The following PARD3 variants were observed in gnomAD, a reference collection of about 807,000 sequenced individuals.
PARD3 encodes the protein partitioning defective 3 homolog.
In PARD3, 75 loss-of-function variants were observed where a neutral mutation model predicts 155.4. The observed-to-expected ratio is 0.48, with a 90% confidence interval of 0.40 to 0.58. The LOEUF (loss-of-function observed/expected upper bound fraction) is 0.58, where lower values mean the gene tolerates loss of function less well. PARD3 is among the 20% of genes least tolerant of loss of function. The pLI is 0.00. For synonymous variants in PARD3, 576 were observed against 610.5 expected (o/e 0.94, Z 0.83); for missense variants, 1,642 against 1,721.7 (o/e 0.95, Z 0.82).
intron 20 of PARD3, 21 bp from the exon 21 acceptor site, chr10:34,284,266 T>G (rs1318990162): frequency 7.1e-7 from 1 of 1,417,732 alleles, no homozygotes; most frequent in Admixed American, 1.8e-5. Flanking sequence ...CAAAAAATTC[T>G]AACTTGTCAA....
At chr10:34,181,592 AG>A (rs1354193294) in intron 22 of PARD3, among the ~76,000 whole-genome samples, 1 of 152,184 alleles carries the variant, frequency 6.6e-6, no homozygotes, top group Non-Finnish European at 1.5e-5. Flanking sequence ...TGTGTTGAGT[AG>A]ATACATACAC....
At chr10:34,499,632 A>C (rs1471625744) in intron 3 of PARD3, among the ~76,000 whole-genome samples, 1 of 152,194 alleles carries the variant, frequency 6.6e-6, no homozygotes, top group Non-Finnish European at 1.5e-5. Flanking sequence ...TTTTATATTT[A>C]TAACATATGA....
intron 2 of PARD3, among the ~76,000 whole-genome samples, chr10:34,666,796 A>AAATAT (rs1358640964): frequency 4.5e-5 from 3 of 66,962 alleles, no homozygotes; most frequent in African/African-American, 1.8e-4. Flanking sequence ...AAAAAAAAAA[A>AAATAT]ATATATATAT....
chr10:34,505,190 C>T, intron 3 of PARD3, among the ~76,000 whole-genome samples: 1 of 152,234 alleles, frequency 6.6e-6, no homozygotes, highest in East Asian at 1.9e-4. Context: ...GCTTTCTTAA[C>T]ATATTCACAG....
At position 34,269,859 on chromosome 10, in the gene PARD3, G is replaced by C; in HGVS notation, c.3217C>G (p.Arg1073Gly). The change falls in exon 22 of 25, where the codon CGA (arginine) becomes GGA (glycine). Residue 1073 changes from arginine to glycine, a missense_variant. Physicochemically the swap from Arg to Gly is moderately radical, Grantham distance 125 (BLOSUM62 -2). Coordinates refer to ENST00000374788, the MANE Select transcript of PARD3 (RefSeq NM_001184785.2). ...TGAATTTCAGCATAGTCACGCTCTCGAGCTTGTCGTTCCCTAAATTCTCGA... is the reference window on the plus strand; with the variant it reads ...TGAATTTCAGCATAGTCACGCTCTCCAGCTTGTCGTTCCCTAAATTCTCGA... ...KTREFRERQA[R>G]ERDYAEIQDF... 6.2e-7 allele frequency: 1 copy of C among 1,613,720 alleles called. No homozygotes were observed. Among genetic ancestry groups the C allele is most frequent in the African/African-American group, 1.3e-5 (1 of 74,992 alleles).
chr10:34,306,926 C>T (rs1035636801), intron 20 of PARD3, among the ~76,000 whole-genome samples: 3 of 151,982 alleles, frequency 2.0e-5, no homozygotes, highest in African/African-American at 7.2e-5. Flanking sequence ...TCGTTCTGTC[C>T]CCCACACTGG....
intron 18 of PARD3, 59 bp downstream of exon 18, chr10:34,336,140 T>C (rs898120153): frequency 3.2e-5 from 40 of 1,248,394 alleles, no homozygotes; most frequent in Middle Eastern, 1.9e-4. Flanking sequence ...AGCTCTATAA[T>C]TGTGATAAGC....
At chr10:34,790,460 T>C (rs1244565563) in intron 1 of PARD3, among the ~76,000 whole-genome samples, 1 of 151,918 alleles carries the variant, frequency 6.6e-6, no homozygotes, top group East Asian at 1.9e-4. Context: ...GCTCTCCCCC[T>C]GATAAGGCTA....
At chr10:34,424,273 CAG>C (rs1171616645) in intron 5 of PARD3, among the ~76,000 whole-genome samples, 16 of 152,146 alleles carry the variant, frequency 1.1e-4, no homozygotes, top group Admixed American at 1.0e-3. Context: ...TTAGGATGAA[CAG>C]AGATTTTAGT....
intron 2 of PARD3, among the ~76,000 whole-genome samples, chr10:34,527,336 G>A (rs1427167134): frequency 6.6e-6 from 1 of 152,172 alleles, no homozygotes; most frequent in Non-Finnish European, 1.5e-5. Context: ...TCACTTGGGA[G>A]TTCATAATCC....
intron 2 of PARD3, among the ~76,000 whole-genome samples, chr10:34,598,435 T>A (rs978393895): frequency 6.6e-6 from 1 of 152,218 alleles, no homozygotes; most frequent in African/African-American, 2.4e-5. Flanking sequence ...CCTTGACTTA[T>A]ATATCTTAGT....
intron 1 of PARD3, among the ~76,000 whole-genome samples, chr10:34,718,375 T>C (rs918100895): frequency 4.0e-5 from 6 of 151,648 alleles, no homozygotes; most frequent in African/African-American, 1.5e-4. Context: ...ACATGCACAG[T>C]GAGGCTGGGC....
intron 1 of PARD3, among the ~76,000 whole-genome samples, chr10:34,758,880 G>C (rs746315886): frequency 6.6e-6 from 1 of 152,148 alleles, no homozygotes; most frequent in Non-Finnish European, 1.5e-5. Flanking sequence ...AATTATACTA[G>C]GTGTGACTGA....
intron 2 of PARD3, among the ~76,000 whole-genome samples, chr10:34,639,267 G>A (rs973262817): frequency 1.4e-4 from 21 of 151,996 alleles, no homozygotes; most frequent in African/African-American, 1.9e-4. Context: ...ATGGTGGCAC[G>A]TGACTGTAAT....
chr10:34,778,144 A>G (rs1839820178), intron 1 of PARD3, among the ~76,000 whole-genome samples: 1 of 152,208 alleles, frequency 6.6e-6, no homozygotes, highest in Non-Finnish European at 1.5e-5. Flanking sequence ...TGTATACTCT[A>G]AATCAGCTCT....
chr10:34,326,533 C>T (rs1397861976), intron 19 of PARD3, among the ~76,000 whole-genome samples: 5 of 152,244 alleles, frequency 3.3e-5, no homozygotes, highest in African/African-American at 1.2e-4. Context: ...CTGTAATCCA[C>T]TGTGTTTTGC....
chr10:34,715,148 G>C (rs557001539), intron 1 of PARD3, among the ~76,000 whole-genome samples: 7 of 150,900 alleles, frequency 4.6e-5, no homozygotes, highest in Non-Finnish European at 7.4e-5. Flanking sequence ...TGCTATCATA[G>C]CTCACTGCAG....
chr10:34,557,919 C>T (rs2085137376), intron 2 of PARD3, among the ~76,000 whole-genome samples: 1 of 138,336 alleles, frequency 7.2e-6, no homozygotes, highest in African/African-American at 2.7e-5. Context: ...GCCTGGGTGA[C>T]AGTGTGAGAC....
At chr10:34,608,603 T>G (rs562840813) in intron 2 of PARD3, among the ~76,000 whole-genome samples, 13 of 151,104 alleles carry the variant, frequency 8.6e-5, no homozygotes, top group South Asian at 6.3e-4. Context: ...GGCCCGATCT[T>G]GGCTCACTGC....
Sources: gnomAD v4.1 joint callset for allele counts (sites outside exome capture counted in the v4.1 genomes callset) on GRCh38, gnomAD v4.1.1 for gene constraint, MANE v1.5 for transcripts, NCBI Gene and HGNC (gene_info 2026-07-23, HGNC 2026-07-21) for gene names.